PIAS1: variants seen among roughly 807,000 people sequenced by gnomAD.
PIAS1 encodes the protein protein inhibitor of activated STAT 1, also known as E3 SUMO-protein ligase PIAS1.
In PIAS1, 6 loss-of-function variants were observed where a neutral mutation model predicts 71.3. That is an observed-to-expected ratio of 0.08 (90% CI 0.05 to 0.17). PIAS1 has a LOEUF of 0.17. Ranked by LOEUF, PIAS1 falls within the 10% of genes least tolerant of loss-of-function variation. The probability of loss-of-function intolerance (pLI) is 1.00; values close to 1 mark genes in which losing one functional copy is unlikely to be tolerated. For synonymous variants in PIAS1, 303 were observed against 292.9 expected, an observed-to-expected ratio of 1.03 and a Z score of -0.35; for missense variants, 555 against 793.6, an observed-to-expected ratio of 0.70 and a Z score of 3.61.
At chr15:68,075,745 T>A (rs2140970897) in intron 1 of PIAS1, among the ~76,000 whole-genome samples, 1 of 151,970 alleles carries the variant, frequency 6.6e-6, no homozygotes, top group African/African-American at 2.4e-5. Flanking sequence ...TTCTTTTTAA[T>A]ATTTCTCTGT....
rs577393598 is a variant in PIAS1, at chr15:68,188,274, G to A, written c.*439G>A. ...GTGGGCTTTTCTTTGTTGTGGGGAG[G>A]GGGTCGGGGGATAGTTTGATTTCCA... On this transcript the variant is annotated 3_prime_UTR_variant, in exon 14 of 14. Transcript: ENST00000249636. 1 of 157,120 alleles carries A rather than the reference G, an allele frequency of 6.4e-6. No individual in the cohort carries two copies. Among genetic ancestry groups the A allele is most frequent in the African/African-American group, 2.4e-5 (1 of 41,438 alleles). The allele number at this position is 157,120 out of a possible 1,614,324, so 9.7% of individuals were successfully genotyped here. A position where few individuals can be genotyped will look rare whatever the true frequency, so the allele number is the denominator to read the frequency against.
In PIAS1 at chr15:68,187,722, C is replaced by T. The variant is rs1320362455; in HGVS notation, c.1843C>T (p.Leu615=). 9.9e-6 allele frequency: 16 copies of T among 1,614,020 alleles called. No individual in the cohort carries two copies. The highest frequency in any genetic ancestry group is 1.3e-5 in the Non-Finnish European group (15 of 1,179,888). ...AAGCAGTAGTGGCAGTAACAGCAGC[C>T]TGGTTTCTTCCAACAGCCTAAGGGA... ...NGSSSGSNSS[L]VSSNSLRESH... The change falls in exon 14 of 14, where the codon CTG becomes TTG. Residue 615 remains leucine (L), a synonymous_variant. Coordinates refer to ENST00000249636, the MANE Select transcript of PIAS1 (RefSeq NM_016166.3). This position sits in a 1 kb window ranked among gnomAD's most constrained non-coding sequence, Gnocchi z 5.3.
At chr15:68,121,224 T>A (rs1372603356) in intron 2 of PIAS1, among the ~76,000 whole-genome samples, 18 of 152,096 alleles carry the variant, frequency 1.2e-4, no homozygotes, top group Admixed American at 1.2e-3. Context: ...TGTAAGATGT[T>A]TTTGCTGAGT....
chr15:68,065,953 G>T (rs2092019321), intron 1 of PIAS1, among the ~76,000 whole-genome samples: 3 of 106,080 alleles, frequency 2.8e-5, no homozygotes, highest in South Asian at 2.7e-4. Flanking sequence ...TGGAGATAGG[G>T]TCTTGCTGTG....
chr15:68,144,119 G>GAA (rs11330725), intron 4 of PIAS1, among the ~76,000 whole-genome samples: 28 of 124,618 alleles, frequency 2.2e-4, no homozygotes, highest in Non-Finnish European at 4.0e-4. Context: ...CCAGGACTTG[G>GAA]AAAAAAAAAA....
chr15:68,064,097 T>C (rs189776786), intron 1 of PIAS1, among the ~76,000 whole-genome samples: 17 of 152,290 alleles, frequency 1.1e-4, no homozygotes, highest in African/African-American at 3.6e-4. Context: ...CTTGTGCAGT[T>C]GAGTTGTGAG....
chr15:68,150,314 T>C (rs1175926007), intron 6 of PIAS1, among the ~76,000 whole-genome samples: 1 of 152,000 alleles, frequency 6.6e-6, no homozygotes, highest in Non-Finnish European at 1.5e-5. Context: ...TAAAAAGCAC[T>C]AGAGGAGGGG....
intron 2 of PIAS1, among the ~76,000 whole-genome samples, chr15:68,120,007 T>C (rs767168741): frequency 9.9e-5 from 15 of 152,242 alleles, no homozygotes; most frequent in Non-Finnish European, 7.3e-5. Context: ...TGGGGTCTAC[T>C]GTGTTGCCCA....
At chr15:68,138,705 C>A (rs1365385789) in intron 2 of PIAS1, among the ~76,000 whole-genome samples, 1 of 152,122 alleles carries the variant, frequency 6.6e-6, no homozygotes, top group Non-Finnish European at 1.5e-5. Flanking sequence ...GAACTCCTGA[C>A]CTCAGATGAT....
chr15:68,147,095 G>A (rs1239229544), intron 6 of PIAS1, among the ~76,000 whole-genome samples: 1 of 152,134 alleles, frequency 6.6e-6, no homozygotes, highest in African/African-American at 2.4e-5. Flanking sequence ...CTATAACTTT[G>A]CATGCATATG....
intron 6 of PIAS1, among the ~76,000 whole-genome samples, chr15:68,151,672 C>CA (rs980508579): frequency 2.4e-4 from 12 of 50,346 alleles, no homozygotes; most frequent in Admixed American, 1.8e-3. Context: ...ACAAAAAAAA[C>CA]AAAAAAACAA....
rs1221829351 is a variant in PIAS1, at chr15:68,074,275, GTTC to G, written c.25-12023_25-12021del. ...TTTAGACTTAGGATTCAGTGATATT[GTTC>G]TTCTTCTGTCATAGAGTTTATCTCT... is the stretch of plus-strand genomic sequence containing the variant. On this transcript the variant is annotated intron_variant, in intron 1 of 13. Coordinates refer to ENST00000249636, the MANE Select transcript of PIAS1 (RefSeq NM_016166.3). Among the ~76,000 whole-genome samples the G allele has an allele frequency of 7.2e-5, 11 of 152,154 alleles. 1 individual carries two copies. The South Asian group carries it at 8.3e-4, about 11-fold the overall frequency.
Position 68,189,141 on chromosome 15 carries a change from A to G in PIAS1, c.*1306A>G, listed in dbSNP as rs2093106407. On this transcript the variant is annotated 3_prime_UTR_variant, in exon 14 of 14. Transcript: ENST00000249636. ...AGTCATTTTTTTTTAGAATTCATGGATCAGTCTGATCTACTCTTATTCATA... is the reference window on the plus strand; with the variant it reads ...AGTCATTTTTTTTTAGAATTCATGGGTCAGTCTGATCTACTCTTATTCATA... The G allele has an allele frequency of 6.6e-6, 1 of 152,090 alleles. No homozygotes were observed. The highest frequency in any genetic ancestry group is 1.5e-5 in the Non-Finnish European group (1 of 68,018). The allele number at this position is 152,090 out of a possible 1,614,324, so 9.4% of individuals were successfully genotyped here.
chr15:68,076,929 T>C (rs548457694), intron 1 of PIAS1, among the ~76,000 whole-genome samples: 11 of 152,142 alleles, frequency 7.2e-5, no homozygotes, highest in Non-Finnish European at 1.5e-4. Context: ...GTGATAATTG[T>C]ACAATAGAGG....
intron 2 of PIAS1, among the ~76,000 whole-genome samples, chr15:68,111,129 A>ACT (rs2092519943): frequency 6.6e-6 from 1 of 152,154 alleles, no homozygotes; most frequent in South Asian, 2.1e-4. Context: ...GATTTTAGTT[A>ACT]ATCTGTCACT....
In PIAS1 at chr15:68,173,968, A is replaced by T; in HGVS notation, c.1169+76A>T. Reference sequence around the variant, plus strand: ...GGGTTTGTTACACATCAGATTTGGGATGAAAATTCTAAGTTATATATTTGT... The same window carrying T: ...GGGTTTGTTACACATCAGATTTGGGTTGAAAATTCTAAGTTATATATTTGT... On this transcript the variant is annotated intron_variant, in intron 9 of 13. Transcript: ENST00000249636. This position sits in a 1 kb window ranked among gnomAD's most constrained non-coding sequence, Gnocchi z 4.3. 1.1e-6 allele frequency: 1 copy of T among 935,866 alleles called. No homozygotes were observed. The highest frequency in any genetic ancestry group is 4.3e-5 in the South Asian group (1 of 23,118). 58.0% of individuals were successfully genotyped at this position (935,866 alleles called of 1,614,324 possible). A position where few individuals can be genotyped will look rare whatever the true frequency, so the allele number is the denominator to read the frequency against.
At chr15:68,078,547 C>T (rs944658521) in intron 1 of PIAS1, among the ~76,000 whole-genome samples, 5 of 152,156 alleles carry the variant, frequency 3.3e-5, no homozygotes, top group East Asian at 1.9e-4. Context: ...TTAGTGCCCC[C>T]GTCACCCATT....
chr15:68,124,715 G>C (rs959821262), intron 2 of PIAS1, among the ~76,000 whole-genome samples: 7 of 145,272 alleles, frequency 4.8e-5, no homozygotes, highest in African/African-American at 1.7e-4. Flanking sequence ...GAGAGACTCT[G>C]GCTCAAACAA....
At chr15:68,118,093 G>A (rs866775888) in intron 2 of PIAS1, among the ~76,000 whole-genome samples, 36 of 152,032 alleles carry the variant, frequency 2.4e-4, no homozygotes, top group African/African-American at 6.5e-4. Flanking sequence ...TTGGGAGGCC[G>A]AGGAGCGGGG....
Sources: allele counts gnomAD v4.1 joint callset (sites outside exome capture counted in the v4.1 genomes callset), GRCh38; gene constraint gnomAD v4.1.1; non-coding constraint Gnocchi (gnomAD v3.1); transcripts MANE v1.5; gene names NCBI Gene and HGNC (gene_info 2026-07-23, HGNC 2026-07-21).